The following CPA6 variants were observed in gnomAD, a reference collection of about 807,000 sequenced individuals.
CPA6 encodes the protein carboxypeptidase B.
Under a neutral mutation model 63.3 loss-of-function variants are expected in CPA6, and 58 were observed. That is an observed-to-expected ratio of 0.92 (90% CI 0.74 to 1.14). CPA6 has a LOEUF of 1.14. Ranked by LOEUF, CPA6 falls within the 50% of genes most tolerant of loss-of-function variation. The pLI is 0.00. For missense variants in CPA6, 565 were observed against 526.6 expected (o/e 1.07, Z -0.71); for synonymous variants, 185 against 179.0 (o/e 1.03, Z -0.27).
intron 8 of CPA6, among the ~76,000 whole-genome samples, chr8:67,451,245 C>T (rs780836499): frequency 1.3e-5 from 2 of 152,214 alleles, no homozygotes; most frequent in Non-Finnish European, 2.9e-5. Flanking sequence ...AAAGCTTCAT[C>T]TGTATTTATA....
intron 2 of CPA6, among the ~76,000 whole-genome samples, chr8:67,557,291 T>G (rs1377833318): frequency 1.3e-5 from 2 of 152,198 alleles, no homozygotes; most frequent in Non-Finnish European, 2.9e-5. Context: ...TGCAGGTTAT[T>G]CTCTATTGAA....
At chr8:67,425,725 TCA>T (rs985870595) in intron 10 of CPA6, among the ~76,000 whole-genome samples, 7 of 152,110 alleles carry the variant, frequency 4.6e-5, no homozygotes, top group Non-Finnish European at 7.4e-5. Flanking sequence ...CTTCTGCTTC[TCA>T]GATTCCCTTT....
chr8:67,745,807 A>G lies in CPA6; in HGVS notation c.116+207T>C, dbSNP rs570836679. On this transcript the variant is annotated intron_variant, in intron 1 of 10. Coordinates refer to ENST00000297770, the MANE Select transcript of CPA6 (RefSeq NM_020361.5). Reference sequence around the variant, plus strand: ...AAGGTTGGCACATGATAAAAAGTATAAAAAGCCAGGTTGGAGCCCACCACA... The same window carrying G: ...AAGGTTGGCACATGATAAAAAGTATGAAAAGCCAGGTTGGAGCCCACCACA... Among the ~76,000 whole-genome samples the G allele has an allele frequency of 2.0e-5, 3 of 152,306 alleles. No individual in the cohort carries two copies. The East Asian group carries it at 5.8e-4, about 29-fold the overall frequency.
At chr8:67,707,110 T>C (rs1223900406) in intron 1 of CPA6, among the ~76,000 whole-genome samples, 3 of 152,238 alleles carry the variant, frequency 2.0e-5, no homozygotes, top group African/African-American at 7.2e-5. Flanking sequence ...TGTCTTATTT[T>C]GATCCTCTTC....
intron 8 of CPA6, among the ~76,000 whole-genome samples, chr8:67,455,464 T>C (rs1354629839): frequency 6.6e-6 from 1 of 151,976 alleles, no homozygotes; most frequent in Non-Finnish European, 1.5e-5. Flanking sequence ...AATATACTTT[T>C]GTAAAGAAGA....
chr8:67,678,911 G>A (rs542305278), intron 1 of CPA6, among the ~76,000 whole-genome samples: 1 of 152,292 alleles, frequency 6.6e-6, no homozygotes, highest in East Asian at 1.9e-4. Flanking sequence ...ACAAGTCATA[G>A]GCATATGTGG....
intron 5 of CPA6, among the ~76,000 whole-genome samples, chr8:67,509,041 G>C (rs937367602): frequency 6.6e-6 from 1 of 152,130 alleles, no homozygotes; most frequent in Non-Finnish European, 1.5e-5. Flanking sequence ...AGGAGGAAGA[G>C]AGCGAAGGGG....
At chr8:67,603,883 T>A (rs973712483) in intron 2 of CPA6, among the ~76,000 whole-genome samples, 3 of 152,262 alleles carry the variant, frequency 2.0e-5, no homozygotes, top group African/African-American at 7.2e-5. Context: ...TATGGTGTCA[T>A]TAACACTTTT....
chr8:67,483,476 T>G (rs947776688), intron 8 of CPA6: 6 of 470,882 alleles, frequency 1.3e-5, no homozygotes, highest in African/African-American at 1.2e-4. Flanking sequence ...ATGTTTTAAT[T>G]TGGGGAATGA....
chr8:67,631,541 T>A (rs1021352554), intron 1 of CPA6, among the ~76,000 whole-genome samples: 7 of 151,590 alleles, frequency 4.6e-5, no homozygotes, highest in Admixed American at 1.3e-4. Flanking sequence ...AACGGACCAA[T>A]CAGCTCTCTG....
At chr8:67,527,589 CT>C (rs1274239334) in intron 2 of CPA6, among the ~76,000 whole-genome samples, 5 of 152,134 alleles carry the variant, frequency 3.3e-5, no homozygotes, top group African/African-American at 9.7e-5. Context: ...ACTTAATGTG[CT>C]TTTTTGAGTG....
intron 1 of CPA6, among the ~76,000 whole-genome samples, chr8:67,631,760 A>T (rs1296873655): frequency 6.6e-6 from 1 of 152,044 alleles, no homozygotes; most frequent in Non-Finnish European, 1.5e-5. Flanking sequence ...GAGCTGTAAC[A>T]CTCACTGCGA....
intron 1 of CPA6, among the ~76,000 whole-genome samples, chr8:67,726,005 G>T (rs1459422825): frequency 6.6e-6 from 1 of 152,114 alleles, no homozygotes; most frequent in African/African-American, 2.4e-5. Context: ...ACTTAAGATA[G>T]CTGCAAATTT....
Position 67,459,122 on chromosome 8 carries a change from T to TA in CPA6, c.838+24645dup, listed in dbSNP as rs543205605. On this transcript the variant is annotated intron_variant, in intron 8 of 10. Transcript: ENST00000297770. ...GATGTTTACAACAGCTTTCCTTTTT[T>TA]AAAAAAATTATTTAAAAATTTTTAT... Among the ~76,000 whole-genome samples, 132 of 152,316 alleles carry TA rather than the reference T, an allele frequency of 8.7e-4. 1 individual carries two copies. The highest frequency in any genetic ancestry group is 2.5e-3 in the African/African-American group (104 of 41,578).
chr8:67,515,852 A>G (rs1812133987), intron 3 of CPA6, among the ~76,000 whole-genome samples: 1 of 152,150 alleles, frequency 6.6e-6, no homozygotes, highest in Admixed American at 6.5e-5. Context: ...GACTCTGAGC[A>G]TCCAACTACT....
At chr8:67,428,876 C>T (rs1809956088) in intron 9 of CPA6, among the ~76,000 whole-genome samples, 1 of 152,066 alleles carries the variant, frequency 6.6e-6, no homozygotes, top group South Asian at 2.1e-4. Flanking sequence ...TAGCAATGTG[C>T]CTGTATACAA....
intron 1 of CPA6, among the ~76,000 whole-genome samples, chr8:67,737,317 T>C (rs1817831817): frequency 6.6e-6 from 1 of 152,228 alleles, no homozygotes; most frequent in Admixed American, 6.5e-5. Flanking sequence ...ATTCCCTGTG[T>C]CTGGAAAGCC....
chr8:67,630,330 T>C (rs1815295341), intron 1 of CPA6, among the ~76,000 whole-genome samples: 1 of 151,888 alleles, frequency 6.6e-6, no homozygotes, highest in African/African-American at 2.4e-5. Context: ...CTGATGAACC[T>C]AACAGGTGCA....
rs56275918 is a variant in CPA6 at position 67,716,151 on chromosome 8, C to CAAAAAAAAAAAAAA, written c.116+29849_116+29862dup. Among the ~76,000 whole-genome samples the CAAAAAAAAAAAAAA allele has an allele frequency of 2.4e-4, 18 of 76,546 alleles. 1 individual carries two copies. In the South Asian group the frequency reaches 3.6e-3, roughly 16 times the overall value. 50.2% of individuals were successfully genotyped at this position (76,546 alleles called of 152,430 possible). On this transcript the variant is annotated intron_variant, in intron 1 of 10. Transcript: ENST00000297770. The stretch of plus-strand genomic sequence containing the variant: ...CCTGGGCGAGAGAGTGAGCTTGTCT[C>CAAAAAAAAAAAAAA]AAAAAAAAAAAAAAAAAAAAAAAAA...
Sources: allele counts gnomAD v4.1 joint callset (sites outside exome capture counted in the v4.1 genomes callset), GRCh38; gene constraint gnomAD v4.1.1; transcripts MANE v1.5; gene names NCBI Gene and HGNC (gene_info 2026-07-23, HGNC 2026-07-21).